The following PCDH11X variants were observed in gnomAD, a reference collection of about 807,000 sequenced individuals.
PCDH11X encodes protocadherin 11 X-linked, also known as protocadherin-11 X-linked.
Under a neutral mutation model 53.3 loss-of-function variants are expected in PCDH11X, and 18 were observed. The ratio of observed to expected loss-of-function variants is 0.34; its 90% confidence interval spans 0.23 to 0.50. PCDH11X has a LOEUF of 0.50. Ranked by LOEUF, PCDH11X falls within the 20% of genes least tolerant of loss-of-function variation. The pLI, the probability that PCDH11X is intolerant of heterozygous loss-of-function variation, is 0.98. For synonymous variants in PCDH11X, 279 were observed against 393.3 expected (o/e 0.71, Z 3.44); for missense variants, 570 against 1,032.4 (o/e 0.55, Z 6.14).
intron 10 of PCDH11X, among the ~76,000 whole-genome samples, chrX:92,568,587 C>A (rs759210808): frequency 1.4e-3 from 150 of 109,810 alleles, no homozygotes; most frequent in African/African-American, 4.8e-3. Context: ...CCAGAAAGAG[C>A]TCTGCCTTTT....
At chrX:92,331,105 T>G (rs1396739691) in intron 8 of PCDH11X, among the ~76,000 whole-genome samples, 1 of 106,404 alleles carries the variant, frequency 9.4e-6, no homozygotes. Context: ...TTAAAAATAC[T>G]TTTGTACAAA....
intron 6 of PCDH11X, chrX:92,113,907 G>A (rs1049524210): frequency 2.7e-5 from 32 of 1,199,741 alleles, no homozygotes; most frequent in East Asian, 1.8e-4. Flanking sequence ...TTAACATTTC[G>A]TCAGCTTCAT....
chrX:91,899,815 A>G (rs1602456218), intron 6 of PCDH11X, among the ~76,000 whole-genome samples: 1 of 111,147 alleles, frequency 9.0e-6, no homozygotes, highest in East Asian at 2.9e-4. Flanking sequence ...ACATGTTCTT[A>G]ACAAAATAAG....
At chrX:92,317,136 A>C (rs1381494067) in intron 8 of PCDH11X, among the ~76,000 whole-genome samples, 2 of 110,810 alleles carry the variant, frequency 1.8e-5, no homozygotes, top group Non-Finnish European at 3.8e-5. Flanking sequence ...GTTAACTAAA[A>C]AGAATGTGTT....
chrX:92,619,917 A>G lies in PCDH11X; in HGVS notation c.*977A>G, dbSNP rs1181935070. On this transcript the variant is annotated 3_prime_UTR_variant, in exon 11 of 11. Transcript: ENST00000682573. ...TGTAGAGAAACTCAGGAAGATTTAA[A>G]TGTTGATTTGACAGCTCAATAGGCT... The G allele has an allele frequency of 1.8e-5, 2 of 108,647 alleles. No individual in the cohort carries two copies. The highest frequency in any genetic ancestry group is 6.7e-5 in the African/African-American group (2 of 29,777). The allele number at this position is 108,647 out of a possible 1,213,427, so 9.0% of individuals were successfully genotyped here.
intron 6 of PCDH11X, among the ~76,000 whole-genome samples, chrX:92,105,880 G>A (rs2064374156): frequency 9.0e-6 from 1 of 111,412 alleles, no homozygotes; most frequent in African/African-American, 3.3e-5. Context: ...CAGGTCACAG[G>A]GGATGCGATG....
intron 4 of PCDH11X, among the ~76,000 whole-genome samples, chrX:91,825,305 T>C (rs1313154802): frequency 3.6e-5 from 4 of 110,749 alleles, no homozygotes; most frequent in Non-Finnish European, 7.6e-5. Context: ...GATCTCAGAC[T>C]GCTGTGCTAG....
chrX:92,516,726 A>G (rs1174557818), intron 10 of PCDH11X, among the ~76,000 whole-genome samples: 4 of 112,350 alleles, frequency 3.6e-5, no homozygotes. Context: ...ATAAAGACTC[A>G]GATTTTACAA....
chrX:92,448,647 A>G (rs1158905649), intron 9 of PCDH11X, among the ~76,000 whole-genome samples: 2 of 100,090 alleles, frequency 2.0e-5, no homozygotes, highest in Non-Finnish European at 4.0e-5. Flanking sequence ...TAACACACGA[A>G]ATTTCCTCTA....
intron 5 of PCDH11X, among the ~76,000 whole-genome samples, chrX:91,838,680 C>A (rs1937390656): frequency 9.2e-6 from 1 of 108,988 alleles, no homozygotes; most frequent in Non-Finnish European, 1.9e-5. Flanking sequence ...ATAATAATTT[C>A]TTTTAAAAAT....
chrX:91,991,585 C>T (rs1451243149), intron 6 of PCDH11X, among the ~76,000 whole-genome samples: 2 of 80,887 alleles, frequency 2.5e-5, no homozygotes, highest in African/African-American at 4.6e-5. Flanking sequence ...CTATTTAATT[C>T]TTTTTTTTTT....
rs1371350170 is a variant in PCDH11X at position 92,273,162 on chromosome X, G to A, written c.3144+10019G>A. 2.7e-5 allele frequency among the ~76,000 whole-genome samples: 3 copies of A among 111,538 alleles called. No homozygotes were observed. In the South Asian group the frequency reaches 1.1e-3, roughly 43 times the overall value. ...GGCTGTTTATTTCACCTGGGTGCAG[G>A]CGGGCTGAGTCCGAAAAGAGAGTCA... On this transcript the variant is annotated intron_variant, in intron 8 of 10. Coordinates refer to ENST00000682573, the MANE Select transcript of PCDH11X (RefSeq NM_032968.5).
rs1306018306 is a variant in PCDH11X at position 91,893,369 on chromosome X, A to G, written c.3033+14096A>G. 1.2e-3 allele frequency among the ~76,000 whole-genome samples: 116 copies of G among 97,171 alleles called. No homozygotes were observed. In the Admixed American group the frequency reaches 0.013, roughly 11 times the overall value. 84.4% of individuals were successfully genotyped at this position (97,171 alleles called of 115,157 possible). A position where few individuals can be genotyped will look rare whatever the true frequency, so the allele number is the denominator to read the frequency against. Reference sequence around the variant, plus strand: ...CGCATTTTTTTTTTTTTTTTTTGAGATGGAGTCTCGCTCTGTCGCCCAGGC... The same window carrying G: ...CGCATTTTTTTTTTTTTTTTTTGAGGTGGAGTCTCGCTCTGTCGCCCAGGC... On this transcript the variant is annotated intron_variant, in intron 6 of 10. Transcript: ENST00000682573.
At chrX:91,962,613 C>T (rs73537433) in intron 6 of PCDH11X, among the ~76,000 whole-genome samples, 1,911 of 111,167 alleles carry the variant, frequency 0.017, 39 homozygotes, top group African/African-American at 0.058. Context: ...AAGACTGTGG[C>T]CCTGTTCTCA....
chrX:92,309,762 G>T lies in PCDH11X; in HGVS notation c.3144+46619G>T, dbSNP rs1234428589. On this transcript the variant is annotated intron_variant, in intron 8 of 10. Coordinates refer to ENST00000682573, the MANE Select transcript of PCDH11X (RefSeq NM_032968.5). The stretch of plus-strand genomic sequence containing the variant: ...TAAATGGGATTTTCCCTCCACTGAG[G>T]AAACAAAGGAAATCACTTTCTAGTG... Among the ~76,000 whole-genome samples the T allele has an allele frequency of 3.6e-5, 4 of 111,471 alleles. No individual in the cohort carries two copies. The East Asian group carries it at 8.5e-4, about 24-fold the overall frequency.
intron 6 of PCDH11X, among the ~76,000 whole-genome samples, chrX:92,165,084 G>A (rs1436395137): frequency 4.6e-5 from 5 of 108,266 alleles, no homozygotes; most frequent in Non-Finnish European, 9.5e-5. Flanking sequence ...AATACATACA[G>A]TATGCTGCTT....
intron 7 of PCDH11X, among the ~76,000 whole-genome samples, chrX:92,207,926 G>T (rs5942158): frequency 9.1e-6 from 1 of 110,038 alleles, no homozygotes; most frequent in Non-Finnish European, 1.9e-5. Flanking sequence ...GCTGGGGGTG[G>T]TGGCTCACCC....
chrX:92,591,364 A>G (rs1925018487), intron 10 of PCDH11X, among the ~76,000 whole-genome samples: 1 of 110,858 alleles, frequency 9.0e-6, no homozygotes, highest in South Asian at 3.9e-4. Flanking sequence ...TGTAAAAATC[A>G]CTGTTTATTA....
At chrX:91,950,787 G>A (rs1054352543) in intron 6 of PCDH11X, among the ~76,000 whole-genome samples, 8 of 109,643 alleles carry the variant, frequency 7.3e-5, no homozygotes, top group Admixed American at 5.9e-4. Context: ...ATCATTGTCC[G>A]CTTTGTTCCT....
Sources: gnomAD v4.1 joint callset for allele counts (sites outside exome capture counted in the v4.1 genomes callset) on GRCh38, gnomAD v4.1.1 for gene constraint, MANE v1.5 for transcripts, NCBI Gene and HGNC (gene_info 2026-07-23, HGNC 2026-07-21) for gene names.